Variants in PSMG2 observed in about 807,000 individuals in gnomAD.
PSMG2 encodes proteasome assembly chaperone 2.
In PSMG2, 21 loss-of-function variants were observed where a neutral mutation model predicts 31.5. That is an observed-to-expected ratio of 0.67 (90% CI 0.47 to 0.96). The LOEUF (loss-of-function observed/expected upper bound fraction) is 0.96. Ranked by LOEUF, PSMG2 falls within the 40% of genes least tolerant of loss-of-function variation. The pLI is 0.00. For synonymous variants in PSMG2, 120 were observed against 110.4 expected, an observed-to-expected ratio of 1.09 and a Z score of -0.54; for missense variants, 318 against 321.2, an observed-to-expected ratio of 0.99 and a Z score of 0.08.
intron 3 of PSMG2, among the ~76,000 whole-genome samples, chr18:12,718,118 C>T (rs1264491935): frequency 1.3e-5 from 2 of 151,062 alleles, no homozygotes; most frequent in African/African-American, 4.9e-5. Context: ...AAGTGATTCT[C>T]CTGTCTCAGC....
At chr18:12,684,634 C>T (rs1439783190) in intron 1 of PSMG2, 18 of 152,014 alleles carry the variant, frequency 1.2e-4, no homozygotes, top group Admixed American at 1.2e-3. Flanking sequence ...GAGCCCGCCA[C>T]CATGGCTGGC....
Position 12,683,265 on chromosome 18 carries a change from T to C in PSMG2, c.-36-23285T>C, listed in dbSNP as rs2039416472. Reference sequence around the variant, plus strand: ...TACTCAGGAGGCTGAGGTAGGAGAATTGCTTGAGGCTGGGAGGCGGAGGTT... The same window carrying C: ...TACTCAGGAGGCTGAGGTAGGAGAACTGCTTGAGGCTGGGAGGCGGAGGTT... On this transcript the variant is annotated intron_variant, in intron 1 of 6. Transcript: ENST00000585331. 4.0e-5 allele frequency among the ~76,000 whole-genome samples: 6 copies of C among 149,254 alleles called. No individual in the cohort carries two copies. The South Asian group carries it at 1.3e-3, about 32-fold the overall frequency.
intron 1 of PSMG2, among the ~76,000 whole-genome samples, chr18:12,689,472 A>C (rs1366520936): frequency 6.6e-6 from 1 of 152,222 alleles, no homozygotes; most frequent in African/African-American, 2.4e-5. Flanking sequence ...CTGTTTACAA[A>C]AAGAGCCAAT....
At chr18:12,696,803 G>A (rs2039973620) in intron 1 of PSMG2, among the ~76,000 whole-genome samples, 1 of 152,090 alleles carries the variant, frequency 6.6e-6, no homozygotes. Flanking sequence ...CACTGTAAAA[G>A]GTTGGGAGAA....
At position 12,712,745 on chromosome 18, in the gene PSMG2, A is replaced by T; in HGVS notation, c.273A>T (p.Arg91Ser). ...GAAAGCTGGTGGCTCTACAGTTAAG[A>T]TCCATTTTTATTAAGGTTAGTATGT... ...PSRKLVALQL[R>S]SIFIKYKSKP... Residue 91 changes from arginine (R) to serine (S), a missense_variant, in exon 3 of 7, where the codon AGA becomes AGT. Coordinates refer to ENST00000317615, the MANE Select transcript of PSMG2 (RefSeq NM_020232.5). 6.2e-7 allele frequency: 1 copy of T among 1,605,982 alleles called. No individual in the cohort carries two copies. The highest frequency in any genetic ancestry group is 8.5e-7 in the Non-Finnish European group (1 of 1,174,112).
chr18:12,672,955 A>T, intron 1 of PSMG2: 1 of 984,948 alleles, frequency 1.0e-6, no homozygotes, highest in South Asian at 4.7e-5. Context: ...CCTAATCTGT[A>T]TAAAATAATT....
In PSMG2 at chr18:12,703,180, C is replaced by T. The variant is rs761095125; in HGVS notation, c.57+16C>T. Reference sequence around the variant, plus strand: ...CCTCCTAATGGTGAGTCTCCATTTGCGCTCGGGGCTGCCGCCTCCCGAGGC... The same window carrying T: ...CCTCCTAATGGTGAGTCTCCATTTGTGCTCGGGGCTGCCGCCTCCCGAGGC... On this transcript the variant is annotated intron_variant, in intron 1 of 6. Coordinates refer to ENST00000317615, the MANE Select transcript of PSMG2 (RefSeq NM_020232.5). 27 of 1,601,782 alleles carry T rather than the reference C, an allele frequency of 1.7e-5. No homozygotes were observed. The highest frequency in any genetic ancestry group is 2.3e-5 in the East Asian group (1 of 44,174).
upstream of PSMG2, chr18:12,702,952 G>C: frequency 1.3e-6 from 1 of 795,206 alleles, no homozygotes; most frequent in Non-Finnish European, 1.9e-6. Flanking sequence ...CTCTGAACCG[G>C]CAGTTAGCTG....
chr18:12,658,800 T>G, intron 1 of PSMG2: 1 of 314,232 alleles, frequency 3.2e-6, no homozygotes, highest in Non-Finnish European at 6.5e-6. Flanking sequence ...CGGGGATCTT[T>G]ACGGGTTTTC....
intron 3 of PSMG2, among the ~76,000 whole-genome samples, chr18:12,716,650 TC>T (rs1568043744): frequency 6.6e-6 from 1 of 152,098 alleles, no homozygotes. Context: ...CGCCTCAGCC[TC>T]CCAAAGTGCT....
At chr18:12,711,752 T>C (rs2040334366) in intron 2 of PSMG2, among the ~76,000 whole-genome samples, 2 of 106,466 alleles carry the variant, frequency 1.9e-5, no homozygotes, top group Non-Finnish European at 4.1e-5. Context: ...TTCTCATTCT[T>C]TTTTTTTTTT....
intron 1 of PSMG2, among the ~76,000 whole-genome samples, chr18:12,661,182 C>T (rs2038689547): frequency 1.3e-5 from 2 of 152,194 alleles, no homozygotes; most frequent in African/African-American, 2.4e-5. Context: ...GTGGCAGGCA[C>T]CTGTAATCCC....
At chr18:12,723,861 C>T (rs1359800260) in intron 5 of PSMG2, among the ~76,000 whole-genome samples, 1 of 152,100 alleles carries the variant, frequency 6.6e-6, no homozygotes, top group East Asian at 1.9e-4. Flanking sequence ...TGAGGAACAC[C>T]CCTGGTTAAG....
At chr18:12,697,611 T>C (rs928194711) in intron 1 of PSMG2, among the ~76,000 whole-genome samples, 1 of 152,234 alleles carries the variant, frequency 6.6e-6, no homozygotes, top group South Asian at 2.1e-4. Flanking sequence ...GACTGGCAAA[T>C]TGTGATGAGT....
intron 1 of PSMG2, among the ~76,000 whole-genome samples, chr18:12,683,851 C>T (rs866314326): frequency 5.8e-4 from 88 of 151,132 alleles, no homozygotes; most frequent in African/African-American, 1.8e-3. Context: ...AATTTATTTA[C>T]AATTATAATT....
chr18:12,687,527 C>T (rs140028705), intron 1 of PSMG2, among the ~76,000 whole-genome samples: 2 of 148,582 alleles, frequency 1.3e-5, no homozygotes, highest in Non-Finnish European at 3.0e-5. Context: ...GATTTCGGCT[C>T]GCTGCAACCT....
rs779911178 is a variant in PSMG2 at position 12,717,379 on chromosome 18, A to G, written c.289-1138A>G. On this transcript the variant is annotated intron_variant, in intron 3 of 6. Coordinates refer to ENST00000317615, the MANE Select transcript of PSMG2 (RefSeq NM_020232.5). ...TGAGCAGTCTTTGAAAAATTTTCAT[A>G]AAGCGGGCTCCCCCTGAAATTTTAT... Among the ~76,000 whole-genome samples the G allele has an allele frequency of 9.1e-4, 138 of 152,208 alleles. 1 individual carries two copies. The highest frequency in any genetic ancestry group is 8.8e-4 in the Non-Finnish European group (60 of 68,034).
intron 1 of PSMG2, chr18:12,661,327 T>A: frequency 1.0e-6 from 1 of 979,664 alleles, no homozygotes; most frequent in Non-Finnish European, 1.2e-6. Flanking sequence ...AGAAAAAAAA[T>A]TGATAAGCCT....
At chr18:12,710,009 C>G (rs922270650) in intron 2 of PSMG2, among the ~76,000 whole-genome samples, 8 of 145,072 alleles carry the variant, frequency 5.5e-5, no homozygotes, top group African/African-American at 1.8e-4. Flanking sequence ...GTGGCACGAT[C>G]TCGGCTCACT....
Sources: gnomAD v4.1 joint callset for allele counts (sites outside exome capture counted in the v4.1 genomes callset) on GRCh38, gnomAD v4.1.1 for gene constraint, MANE v1.5 for transcripts, NCBI Gene and HGNC (gene_info 2026-07-23, HGNC 2026-07-21) for gene names.